Variants in DGLUCY observed in about 807,000 individuals in gnomAD.
DGLUCY encodes the protein D-glutamate cyclase.
DGLUCY carries 58 observed loss-of-function variants against 58.5 expected under a neutral mutation model. That is an observed-to-expected ratio of 0.99 (90% CI 0.80 to 1.23). The LOEUF (loss-of-function observed/expected upper bound fraction) is 1.23, where lower values mean the gene tolerates loss of function less well. DGLUCY is among the 50% of genes most tolerant of loss of function. DGLUCY has a pLI of 0.00. For missense variants in DGLUCY, 779 were observed against 784.7 expected (o/e 0.99, Z 0.09); for synonymous variants, 325 against 314.1 (o/e 1.03, Z -0.37).
intron 1 of DGLUCY, among the ~76,000 whole-genome samples, chr14:91,065,126 G>A (rs979541557): frequency 6.6e-6 from 1 of 152,176 alleles, no homozygotes; most frequent in African/African-American, 2.4e-5. Flanking sequence ...TGAGTGATAG[G>A]AGGGAGGGGA....
intron 9 of DGLUCY, among the ~76,000 whole-genome samples, 161 bp downstream of exon 9, chr14:91,189,331 T>C (rs1356422518): frequency 2.6e-5 from 4 of 152,242 alleles, no homozygotes; most frequent in Admixed American, 1.3e-4. Flanking sequence ...ACTGAGGCTC[T>C]GAGAGATCCA....
At chr14:91,176,530 CCTT>C (rs1238103931) in intron 7 of DGLUCY, among the ~76,000 whole-genome samples, 3 of 152,082 alleles carry the variant, frequency 2.0e-5, no homozygotes, top group African/African-American at 4.8e-5. Context: ...GGCCTGGTTT[CCTT>C]CTTTTAATCC....
chr14:91,149,653 A>G (rs970514811), intron 1 of DGLUCY, among the ~76,000 whole-genome samples: 5 of 152,228 alleles, frequency 3.3e-5, no homozygotes, highest in African/African-American at 1.2e-4. Flanking sequence ...GGCCTGATGG[A>G]CCCGTTGCAG....
Position 91,067,545 on chromosome 14 carries a change from CT to C in DGLUCY, c.-82+6852del, listed in dbSNP as rs562189430. Among the ~76,000 whole-genome samples, 714 of 147,820 alleles carry C rather than the reference CT, an allele frequency of 4.8e-3. 5 individuals are homozygous for C. The highest frequency in any genetic ancestry group is 0.029 in the South Asian group (131 of 4,594). ...AAGTCAAAAACTACATTACCAATATCTTTTTTTTTTTCTTTTTTTTTGAGAC... is the reference window on the plus strand; with the variant it reads ...AAGTCAAAAACTACATTACCAATATCTTTTTTTTTTCTTTTTTTTTGAGAC... On this transcript the variant is annotated intron_variant, in intron 1 of 4. Transcript: ENST00000521334.
chr14:91,202,154 G>A (rs1454496742), intron 11 of DGLUCY, among the ~76,000 whole-genome samples: 1 of 151,942 alleles, frequency 6.6e-6, no homozygotes, highest in African/African-American at 2.4e-5. Context: ...TAGTGTTTAA[G>A]CTTCTGTGAA....
At chr14:91,158,910 G>A (rs944676816) in intron 2 of DGLUCY, 5 of 149,616 alleles carry the variant, frequency 3.3e-5, no homozygotes, top group Non-Finnish European at 5.9e-5. Context: ...ATTCACCGCA[G>A]CCTTGACCTC....
intron 1 of DGLUCY, among the ~76,000 whole-genome samples, chr14:91,078,221 G>T (rs1022781014): frequency 1.3e-5 from 2 of 152,054 alleles, no homozygotes; most frequent in African/African-American, 4.8e-5. Flanking sequence ...TAGAGACGGG[G>T]TTTCGCCATG....
chr14:91,121,964 C>T (rs891870620), intron 1 of DGLUCY, among the ~76,000 whole-genome samples: 4 of 152,124 alleles, frequency 2.6e-5, no homozygotes, highest in Non-Finnish European at 2.9e-5. Flanking sequence ...AACACATTTG[C>T]TTGATGAATA....
chr14:91,151,970 A>G (rs1056767699), intron 1 of DGLUCY, among the ~76,000 whole-genome samples: 1 of 152,064 alleles, frequency 6.6e-6, no homozygotes. Flanking sequence ...GTCTCATGTC[A>G]TAAGAGACCC....
chr14:91,079,615 AT>A (rs1274379776), intron 1 of DGLUCY, among the ~76,000 whole-genome samples: 5 of 152,170 alleles, frequency 3.3e-5, no homozygotes, highest in African/African-American at 1.2e-4. Flanking sequence ...ATAGTCCATA[AT>A]TTGGATTACA....
chr14:91,193,268 A>C (rs570716656), intron 9 of DGLUCY, among the ~76,000 whole-genome samples: 1 of 152,272 alleles, frequency 6.6e-6, no homozygotes, highest in Middle Eastern at 3.4e-3. Context: ...GGCCAACCTC[A>C]TTTCCATCTG....
intron 3 of DGLUCY, among the ~76,000 whole-genome samples, chr14:91,163,550 G>C (rs2048110090): frequency 6.6e-6 from 1 of 152,188 alleles, no homozygotes; most frequent in Non-Finnish European, 1.5e-5. Flanking sequence ...GCAGGAGCTG[G>C]TCCTGGACAT....
At position 91,101,631 on chromosome 14, in the gene DGLUCY, G is replaced by A. The variant is rs143413434; in HGVS notation, c.-82+40927G>A. 7.3e-3 allele frequency among the ~76,000 whole-genome samples: 1,108 copies of A among 152,330 alleles called. 9 individuals carry two copies. The highest frequency in any genetic ancestry group is 0.014 in the Middle Eastern group (4 of 294). On this transcript the variant is annotated intron_variant, in intron 1 of 4. Coordinates refer to the DGLUCY transcript ENST00000521334. ...CAAATCATAAAATTGGCTTATGGAC[G>A]CATTCTTGAGTTGAGTCAAAGTAAG...
intron 8 of DGLUCY, among the ~76,000 whole-genome samples, chr14:91,187,602 A>G (rs2049601075): frequency 6.6e-6 from 1 of 152,214 alleles, no homozygotes; most frequent in African/African-American, 2.4e-5. Flanking sequence ...GGCGGCTCCC[A>G]GCACGACAGC....
At chr14:91,190,937 A>G (rs2049846625) in intron 9 of DGLUCY, among the ~76,000 whole-genome samples, 1 of 152,062 alleles carries the variant, frequency 6.6e-6, no homozygotes, top group South Asian at 2.1e-4. Context: ...GGAGAGGAGG[A>G]CGGTTTGGAG....
In DGLUCY at chr14:91,189,083, C is replaced by T; in HGVS notation, c.1108C>T (p.Gln370Ter). ...PGAVALVAFL[Q>*]ALEKEVAIIV... ...AGCTGTTGCTCTGGTTGCCTTCCTG[C>T]AGGCCTTGGAGAAGGAGGTCGCCAT... The change falls in exon 9 of 14, where the codon CAG (glutamine) becomes TAG (stop). Residue 370 changes from glutamine (Q) to a stop codon, truncating the protein, a stop_gained. Transcript: ENST00000256324. LOFTEE classifies it high-confidence loss of function. The T allele has an allele frequency of 4.3e-6, 7 of 1,614,184 alleles. No individual in the cohort carries two copies. Among genetic ancestry groups the T allele is most frequent in the Non-Finnish European group, 5.9e-6 (7 of 1,180,046 alleles).
At chr14:91,168,426 C>G (rs996864825) in intron 4 of DGLUCY, among the ~76,000 whole-genome samples, 6 of 152,140 alleles carry the variant, frequency 3.9e-5, no homozygotes, top group Non-Finnish European at 5.9e-5. Context: ...AGAAAACCCC[C>G]CAGGAACATT....
intron 1 of DGLUCY, among the ~76,000 whole-genome samples, chr14:91,082,366 T>C (rs1566933964): frequency 6.6e-6 from 1 of 152,194 alleles, no homozygotes; most frequent in African/African-American, 2.4e-5. Flanking sequence ...TTGACTCTGT[T>C]GTTCTTGGGC....
At chr14:91,074,316 T>C (rs969344633) in intron 1 of DGLUCY, among the ~76,000 whole-genome samples, 2 of 138,566 alleles carry the variant, frequency 1.4e-5, no homozygotes, top group Non-Finnish European at 1.5e-5. Flanking sequence ...AAAAAAAATA[T>C]ATATATATAT....
Sources: gnomAD v4.1 joint callset for allele counts (sites outside exome capture counted in the v4.1 genomes callset) on GRCh38, gnomAD v4.1.1 for gene constraint, MANE v1.5 for transcripts, NCBI Gene and HGNC (gene_info 2026-07-23, HGNC 2026-07-21) for gene names.